Variants in CTBP2 observed in about 807,000 individuals in gnomAD.
CTBP2 encodes C-terminal binding protein 2, also known as C-terminal-binding protein 2.
Under a neutral mutation model 80.3 loss-of-function variants are expected in CTBP2, and 30 were observed. The ratio of observed to expected loss-of-function variants is 0.37; its 90% CI spans 0.28 to 0.51. The LOEUF (loss-of-function observed/expected upper bound fraction) is 0.51, where lower values mean the gene tolerates loss of function less well. Ranked by LOEUF, CTBP2 falls within the 20% of genes least tolerant of loss-of-function variation. CTBP2 has a pLI of 0.93. For missense variants in CTBP2, 1,212 were observed against 1,375.3 expected (o/e 0.88, Z 1.88); for synonymous variants, 594 against 587.4 (o/e 1.01, Z -0.16).
rs1178000125 is a variant in CTBP2, at chr10:125,049,046, G to GACACACACACACACACACACACACACAC, written c.-101-9919_-101-9892dup. ...GCCTCAATTTGCCCGCCTGACCACA[G>GACACACACACACACACACACACACACAC]ACACACACACACACACACACACACA... On this transcript the variant is annotated intron_variant, in intron 2 of 10. Transcript: ENST00000337195. Among the ~76,000 whole-genome samples the GACACACACACACACACACACACACACAC allele has an allele frequency of 2.5e-3, 224 of 89,698 alleles. 11 individuals carry two copies. Among genetic ancestry groups the GACACACACACACACACACACACACACAC allele is most frequent in the East Asian group, 7.5e-3 (20 of 2,672 alleles). 58.8% of individuals were successfully genotyped at this position (89,698 alleles called of 152,430 possible). A position where few individuals can be genotyped will look rare whatever the true frequency, so the allele number is the denominator to read the frequency against.
At chr10:125,157,412 G>C (rs1233451394) in intron 1 of CTBP2, among the ~76,000 whole-genome samples, 2 of 148,688 alleles carry the variant, frequency 1.3e-5, no homozygotes. Context: ...AAAAAGAGCG[G>C]GGGGGAGTCG....
chr10:125,065,160 G>T (rs1052324553), intron 2 of CTBP2, among the ~76,000 whole-genome samples: 1 of 152,144 alleles, frequency 6.6e-6, no homozygotes, highest in South Asian at 2.1e-4. Flanking sequence ...GTTGCGGAGG[G>T]GCTGCTTGAC....
intron 1 of CTBP2, among the ~76,000 whole-genome samples, chr10:125,151,139 T>C (rs947989144): frequency 1.3e-5 from 2 of 152,140 alleles, no homozygotes; most frequent in Non-Finnish European, 2.9e-5. Flanking sequence ...TAGAGCGCAC[T>C]TGAATGGCTG....
At chr10:125,083,312 T>TAAA (rs1447590253) in intron 2 of CTBP2, among the ~76,000 whole-genome samples, 1 of 152,066 alleles carries the variant, frequency 6.6e-6, no homozygotes, top group Non-Finnish European at 1.5e-5. Context: ...GGCTTCTGGA[T>TAAA]AAAAAAGAGT....
intron 1 of CTBP2, among the ~76,000 whole-genome samples, chr10:125,143,944 G>C (rs1858288952): frequency 6.6e-6 from 1 of 152,120 alleles, no homozygotes; most frequent in Non-Finnish European, 1.5e-5. Flanking sequence ...CTAGCCCTGG[G>C]CCAATTAGTC....
intron 2 of CTBP2, among the ~76,000 whole-genome samples, chr10:125,092,608 C>T (rs1030860476): frequency 2.0e-5 from 3 of 152,224 alleles, no homozygotes; most frequent in Non-Finnish European, 4.4e-5. Context: ...CACACACGGG[C>T]ATGGCGGCCT....
intron 1 of CTBP2, among the ~76,000 whole-genome samples, chr10:125,157,412 G>A (rs1233451394): frequency 6.7e-6 from 1 of 148,686 alleles, no homozygotes; most frequent in African/African-American, 2.5e-5. Context: ...AAAAAGAGCG[G>A]GGGGGAGTCG....
At chr10:125,123,208 G>A (rs1034603885) in intron 1 of CTBP2, among the ~76,000 whole-genome samples, 1 of 147,606 alleles carries the variant, frequency 6.8e-6, no homozygotes, top group Non-Finnish European at 1.5e-5. Context: ...AAGTGGATAT[G>A]ACTATAAAAG....
Position 125,027,138 on chromosome 10 carries a change from T to C in CTBP2, c.622A>G (p.Ser208Gly), listed in dbSNP as rs1461402343. 1.2e-6 allele frequency: 2 copies of C among 1,604,384 alleles called. No homozygotes were observed. Among genetic ancestry groups the C allele is most frequent in the African/African-American group, 2.7e-5 (2 of 74,824 alleles). The stretch of plus-strand genomic sequence containing the variant: ...TCGCTGATGTCGCTGAAGACCTGGC[T>C]GAGGGGGTAGGCAGGCACCTCCGCC... Residue 208 changes from serine (S) to glycine (G), a missense_variant, in exon 1 of 9, where the codon AGC becomes GGC. Ser to Gly is a moderately conservative substitution (Grantham distance 56). Around this residue, in one of 3 missense-constraint regions of CTBP2, gnomAD observed 848 missense variants for 782.3 expected, o/e 1.08. Coordinates refer to ENST00000309035, the MANE Select transcript of CTBP2 (RefSeq NM_022802.3).
chr10:125,079,976 C>T (rs988728563), intron 2 of CTBP2, among the ~76,000 whole-genome samples: 5 of 152,210 alleles, frequency 3.3e-5, no homozygotes, highest in Non-Finnish European at 7.3e-5. Flanking sequence ...CCCTCCATTC[C>T]TGGTAACCAT....
intron 3 of CTBP2, among the ~76,000 whole-genome samples, chr10:125,002,222 A>G (rs1264495081): frequency 1.3e-5 from 2 of 152,228 alleles, no homozygotes. Context: ...GAGCAAGCAC[A>G]GTGCCCACCT....
chr10:125,060,522 G>T (rs917784699), intron 2 of CTBP2, among the ~76,000 whole-genome samples: 2 of 151,450 alleles, frequency 1.3e-5, no homozygotes, highest in Non-Finnish European at 2.9e-5. Flanking sequence ...GTCTGTTGCG[G>T]CTTACCTGCA....
intron 1 of CTBP2, among the ~76,000 whole-genome samples, chr10:125,126,513 C>A (rs1263509217): frequency 1.3e-5 from 2 of 152,208 alleles, no homozygotes; most frequent in Non-Finnish European, 2.9e-5. Flanking sequence ...ACGTGTGGTA[C>A]AGCTGAGGAT....
At chr10:125,062,251 G>A (rs1322724246) in intron 2 of CTBP2, among the ~76,000 whole-genome samples, 1 of 152,096 alleles carries the variant, frequency 6.6e-6, no homozygotes, top group Non-Finnish European at 1.5e-5. Context: ...GGGACACAGG[G>A]GTGCTCTCAA....
chr10:125,159,951 G>C (rs1055465833), intron 1 of CTBP2: 1 of 149,142 alleles, frequency 6.7e-6, no homozygotes, highest in Admixed American at 6.9e-5. Flanking sequence ...CGCCGCGCTC[G>C]GGGTTTCTTT....
intron 2 of CTBP2, among the ~76,000 whole-genome samples, chr10:125,061,696 G>A (rs1207380678): frequency 3.3e-5 from 5 of 152,182 alleles, no homozygotes; most frequent in Non-Finnish European, 5.9e-5. Context: ...CGGAGCCCCC[G>A]TGCAGCATCC....
intron 2 of CTBP2, among the ~76,000 whole-genome samples, chr10:125,104,696 G>C (rs1851193908): frequency 6.6e-6 from 1 of 152,202 alleles, no homozygotes; most frequent in Non-Finnish European, 1.5e-5. Flanking sequence ...ACAAGGCTAG[G>C]GGAATCATCT....
intron 1 of CTBP2, among the ~76,000 whole-genome samples, chr10:125,129,025 T>G (rs1290992334): frequency 1.3e-5 from 2 of 152,148 alleles, no homozygotes; most frequent in African/African-American, 4.8e-5. Context: ...AAATACATCA[T>G]GTGTGTGGCA....
chr10:125,044,500 A>G (rs1321022256), intron 2 of CTBP2, among the ~76,000 whole-genome samples: 1 of 152,270 alleles, frequency 6.6e-6, no homozygotes, highest in African/African-American at 2.4e-5. Flanking sequence ...AGGCTTCAGA[A>G]GCCAAACTTG....
Sources: allele counts gnomAD v4.1 joint callset (sites outside exome capture counted in the v4.1 genomes callset), GRCh38; gene constraint gnomAD v4.1.1; regional missense constraint gnomAD v4.1.1; transcripts MANE v1.5; gene names NCBI Gene and HGNC (gene_info 2026-07-23, HGNC 2026-07-21).